ADAMTS14: variants seen among roughly 807,000 people sequenced by gnomAD.
The protein encoded by ADAMTS14 is ADAM metallopeptidase with thrombospondin type 1 motif 14.
Under a neutral mutation model 128.6 loss-of-function variants are expected in ADAMTS14, and 100 were observed. That is an observed-to-expected ratio of 0.78 (90% confidence interval 0.66 to 0.92). ADAMTS14 has a LOEUF of 0.92. Ranked by LOEUF, ADAMTS14 falls within the 40% of genes least tolerant of loss-of-function variation. The pLI, the probability that ADAMTS14 is intolerant of heterozygous loss-of-function variation, is 0.00. For synonymous variants in ADAMTS14, 665 were observed against 653.8 expected (o/e 1.02, Z -0.26); for missense variants, 1,562 against 1,658.6 (o/e 0.94, Z 1.01).
chr10:70,712,527 A>G (rs768982355), intron 4 of ADAMTS14, among the ~76,000 whole-genome samples: 13 of 152,376 alleles, frequency 8.5e-5, no homozygotes, highest in Non-Finnish European at 1.3e-4. Context: ...GAACCCAAGG[A>G]CAGAAACATT....
At chr10:70,731,389 A>G (rs1462095485) in intron 6 of ADAMTS14, among the ~76,000 whole-genome samples, 2 of 152,128 alleles carry the variant, frequency 1.3e-5, no homozygotes, top group Admixed American at 6.5e-5. Context: ...ATACTCCCCA[A>G]ACCATGTCAA....
chr10:70,732,402 G>T, intron 7 of ADAMTS14, 43 bp downstream of exon 7: 1 of 1,513,302 alleles, frequency 6.6e-7, no homozygotes, highest in Non-Finnish European at 9.1e-7. Flanking sequence ...CAGCTGTGCC[G>T]TGAGCTCCAG....
intron 4 of ADAMTS14, 143 bp from the exon 5 acceptor site, chr10:70,729,151 C>T (rs1357817149): frequency 2.9e-6 from 2 of 691,384 alleles, no homozygotes; most frequent in East Asian, 5.7e-5. Flanking sequence ...GTCTCAGTTT[C>T]TTTATCTGTA....
chr10:70,733,103 T>A (rs1157586351), intron 7 of ADAMTS14, among the ~76,000 whole-genome samples: 15 of 152,008 alleles, frequency 9.9e-5, no homozygotes, highest in Admixed American at 9.8e-4. Flanking sequence ...CCAGCTCTGC[T>A]CCTCCAGGCA....
At position 70,673,796 on chromosome 10, in the gene ADAMTS14, T is replaced by A. The variant is rs986323851; in HGVS notation, c.83-760T>A. Among the ~76,000 whole-genome samples the A allele has an allele frequency of 2.6e-5, 4 of 152,308 alleles. 1 individual carries two copies. Among genetic ancestry groups the A allele is most frequent in the African/African-American group, 9.6e-5 (4 of 41,568 alleles). The stretch of plus-strand genomic sequence containing the variant: ...AGGGAGCTGTCATTCCTGCCCAGCC[T>A]GGCTGGGCTCAAGGAGAGCTGCGTG... On this transcript the variant is annotated intron_variant, in intron 1 of 21. Coordinates refer to ENST00000373207, the MANE Select transcript of ADAMTS14 (RefSeq NM_080722.4).
rs1228662066 is a variant in ADAMTS14 at position 70,753,915 on chromosome 10, G to A, written c.2845G>A (p.Ala949Thr). ...LSNGTHKVMP[A>T]KACAGDRPEA... The stretch of plus-strand genomic sequence containing the variant: ...CAATGGAACCCACAAGGTCATGCCG[G>A]CCAAAGCCTGCGCCGGGGACCGGCC... The change falls in exon 19 of 22, where the codon GCC becomes ACC. Residue 949 changes from alanine (A) to threonine (T), a missense_variant. Coordinates refer to ENST00000373207, the MANE Select transcript of ADAMTS14 (RefSeq NM_080722.4). The A allele has an allele frequency of 6.3e-7, 1 of 1,590,514 alleles. No individual in the cohort carries two copies. The highest frequency in any genetic ancestry group is 2.3e-5 in the East Asian group (1 of 43,962).
Position 70,677,784 on chromosome 10 carries a change from G to A in ADAMTS14, c.522+2789G>A, listed in dbSNP as rs544567939. Reference sequence around the variant, plus strand: ...CCAGGCTGGGATTCCTTGACTTTCCGCCCACTCCAGGAAATGGCCCTGTGT... The same window carrying A: ...CCAGGCTGGGATTCCTTGACTTTCCACCCACTCCAGGAAATGGCCCTGTGT... On this transcript the variant is annotated intron_variant, in intron 2 of 21. Transcript: ENST00000373207. 1.1e-4 allele frequency among the ~76,000 whole-genome samples: 17 copies of A among 152,242 alleles called. No homozygotes were observed. The South Asian group carries it at 2.7e-3, about 24-fold the overall frequency.
At position 70,735,216 on chromosome 10, in the gene ADAMTS14, A is replaced by C. The variant is rs564600362; in HGVS notation, c.1400A>C (p.Gln467Pro). The C allele has an allele frequency of 4.6e-5, 75 of 1,613,696 alleles. No individual in the cohort carries two copies. In the South Asian group the frequency reaches 8.0e-4, roughly 17 times the overall value. The change falls in exon 9 of 22, where the codon CAG becomes CCG. Residue 467 changes from glutamine (Q) to proline (P), a missense_variant. Gln to Pro is a moderately conservative substitution (Grantham distance 76). Coordinates refer to ENST00000373207, the MANE Select transcript of ADAMTS14 (RefSeq NM_080722.4). ...LDDPFDPAWP[Q>P]PPELPGINYS... ...GACCCCTTTGATCCTGCCTGGCCCC[A>C]GCCCCCAGAGCTGCCTGGGATCAAC...
intron 4 of ADAMTS14, among the ~76,000 whole-genome samples, chr10:70,725,077 G>T (rs1216142777): frequency 1.3e-5 from 2 of 151,962 alleles, no homozygotes; most frequent in Admixed American, 1.3e-4. Flanking sequence ...TAGGTTGATG[G>T]TTTCTTTATC....
chr10:70,698,484 G>C (rs1840399385), intron 2 of ADAMTS14, among the ~76,000 whole-genome samples: 2 of 152,320 alleles, frequency 1.3e-5, no homozygotes, highest in East Asian at 1.9e-4. Context: ...AAGGTCTGAG[G>C]GGGAAGGAAC....
At chr10:70,757,309 AG>A (rs1460268129) in intron 19 of ADAMTS14, among the ~76,000 whole-genome samples, 1 of 152,146 alleles carries the variant, frequency 6.6e-6, no homozygotes, top group African/African-American at 2.4e-5. Context: ...CTGCTCCATC[AG>A]GGAAGAAGAC....
chr10:70,750,118 A>G, intron 16 of ADAMTS14, 133 bp downstream of exon 16: 2 of 1,173,832 alleles, frequency 1.7e-6, no homozygotes, highest in South Asian at 1.6e-5. Flanking sequence ...GGCACCTTCC[A>G]TCCTGGGATT....
intron 19 of ADAMTS14, among the ~76,000 whole-genome samples, chr10:70,756,942 G>A (rs993664324): frequency 6.6e-6 from 1 of 152,060 alleles, no homozygotes; most frequent in African/African-American, 2.4e-5. Flanking sequence ...GCAGTCAGGA[G>A]CTGTTAGCTG....
intron 16 of ADAMTS14, 92 bp downstream of exon 16, chr10:70,750,077 C>A (rs991399670): frequency 3.3e-6 from 5 of 1,518,624 alleles, no homozygotes; most frequent in African/African-American, 2.7e-5. Context: ...TGACACCATT[C>A]TGGTGTCTTT....
chr10:70,677,076 G>A (rs1839666910), intron 2 of ADAMTS14, among the ~76,000 whole-genome samples: 1 of 152,100 alleles, frequency 6.6e-6, no homozygotes, highest in Non-Finnish European at 1.5e-5. Flanking sequence ...AACCTCCCTT[G>A]TCATTGAACC....
chr10:70,717,840 C>T (rs75819845), intron 4 of ADAMTS14, among the ~76,000 whole-genome samples: 9,564 of 152,232 alleles, frequency 0.063, 306 homozygotes, highest in African/African-American at 0.094. Context: ...CCACCCTGCC[C>T]CACCTGGCTG....
chr10:70,708,826 G>GCC, intron 4 of ADAMTS14, 48 bp downstream of exon 4: 2 of 396,628 alleles, frequency 5.0e-6, no homozygotes, highest in South Asian at 2.4e-5. Flanking sequence ...GGTGGGGTGG[G>GCC]CCCCACCCCA....
At chr10:70,733,329 C>T (rs1055407307) in intron 7 of ADAMTS14, among the ~76,000 whole-genome samples, 1 of 152,214 alleles carries the variant, frequency 6.6e-6, no homozygotes. Flanking sequence ...AATGTAAACT[C>T]TTATTATGGT....
At chr10:70,749,688 G>T (rs1428406282) in intron 15 of ADAMTS14, 134 bp from the exon 16 acceptor site, 14 of 1,113,006 alleles carry the variant, frequency 1.3e-5, no homozygotes, top group Non-Finnish European at 1.8e-5. Context: ...ACTCGGGAGG[G>T]CTTGGGTGGG....
Sources: allele counts gnomAD v4.1 joint callset (sites outside exome capture counted in the v4.1 genomes callset), GRCh38; gene constraint gnomAD v4.1.1; transcripts MANE v1.5; gene names NCBI Gene and HGNC (gene_info 2026-07-23, HGNC 2026-07-21).